The following RAPGEF2 variants were observed in gnomAD, a reference collection of about 807,000 sequenced individuals.
The protein encoded by RAPGEF2 is PDZ domain containing guanine nucleotide exchange factor (GEF) 1.
RAPGEF2 carries 54 observed loss-of-function variants against 186.7 expected under a neutral mutation model. The observed-to-expected ratio is 0.29, with a 90% CI of 0.23 to 0.36. The LOEUF is 0.36. Ranked by LOEUF, RAPGEF2 falls within the 10% of genes least tolerant of loss-of-function variation. The pLI is 1.00. For synonymous variants in RAPGEF2, 712 were observed against 705.9 expected, an observed-to-expected ratio of 1.01 and a Z score of -0.14; for missense variants, 1,532 against 2,045.0, an observed-to-expected ratio of 0.75 and a Z score of 4.84.
rs560761367 is a variant in RAPGEF2, at chr4:159,173,420, A to G, written c.70-13222A>G. On this transcript the variant is annotated intron_variant, in intron 1 of 29. Transcript: ENST00000691494. The stretch of plus-strand genomic sequence containing the variant: ...ATAGTGCCTCTGGAATTAGGTTGGT[A>G]TTAGAAACTTGAGGTTTCCTGAGGG... 2.0e-5 allele frequency among the ~76,000 whole-genome samples: 3 copies of G among 152,146 alleles called. No homozygotes were observed. In the South Asian group the frequency reaches 6.2e-4, roughly 31 times the overall value.
chr4:159,182,035 T>G (rs1406174919), intron 1 of RAPGEF2, among the ~76,000 whole-genome samples: 3 of 152,208 alleles, frequency 2.0e-5, no homozygotes, highest in Admixed American at 1.3e-4. Flanking sequence ...AAGGAGGGGT[T>G]TATTAGATTT....
chr4:159,202,971 G>A (rs1334500450), intron 3 of RAPGEF2, among the ~76,000 whole-genome samples: 1 of 152,188 alleles, frequency 6.6e-6, no homozygotes, highest in African/African-American at 2.4e-5. Flanking sequence ...GCTGAATGAA[G>A]TAGCATTTTC....
At chr4:159,126,576 ATT>A (rs925193158) in intron 1 of RAPGEF2, among the ~76,000 whole-genome samples, 11 of 151,052 alleles carry the variant, frequency 7.3e-5, no homozygotes, top group African/African-American at 2.7e-4. Context: ...CTCTCAGAAG[ATT>A]TTAAGACTTT....
chr4:159,258,842 C>G lies in RAPGEF2; in HGVS notation c.543+15051C>G, dbSNP rs532722702. 2.0e-5 allele frequency among the ~76,000 whole-genome samples: 3 copies of G among 152,248 alleles called. No homozygotes were observed. In the South Asian group the frequency reaches 6.2e-4, roughly 32 times the overall value. Reference sequence around the variant, plus strand: ...TCTAGGAGTGGCATTATAGATCTTCCTGCTTTAACAGGTCTATACAAGGAT... The same window carrying G: ...TCTAGGAGTGGCATTATAGATCTTCGTGCTTTAACAGGTCTATACAAGGAT... On this transcript the variant is annotated intron_variant, in intron 7 of 29. Coordinates refer to ENST00000691494, the MANE Select transcript of RAPGEF2 (RefSeq NM_001394067.2).
Position 159,306,019 on chromosome 4 carries a change from A to C in RAPGEF2, c.675+1546A>C, listed in dbSNP as rs145249769. On this transcript the variant is annotated intron_variant, in intron 8 of 29. Coordinates refer to ENST00000691494, the MANE Select transcript of RAPGEF2 (RefSeq NM_001394067.2). ...TTTATTTTGTTCCATTGATCTATGT[A>C]CCTATTTTAATACCAGTATCATGCT... Among the ~76,000 whole-genome samples, 459 of 152,140 alleles carry C rather than the reference A, an allele frequency of 3.0e-3. 9 individuals carry two copies. The highest frequency in any genetic ancestry group is 0.021 in the East Asian group (110 of 5,190).
chr4:159,214,026 C>T (rs1357336195), intron 4 of RAPGEF2, among the ~76,000 whole-genome samples: 2 of 152,098 alleles, frequency 1.3e-5, no homozygotes, highest in African/African-American at 4.8e-5. Flanking sequence ...AAGCAAGGTA[C>T]AATTTATAGT....
intron 2 of RAPGEF2, among the ~76,000 whole-genome samples, chr4:159,189,920 C>A (rs1387520202): frequency 6.6e-6 from 1 of 152,200 alleles, no homozygotes; most frequent in East Asian, 1.9e-4. Flanking sequence ...CCCCTGACAT[C>A]ACGGAACTGA....
rs567998607 is a variant in RAPGEF2, at chr4:159,189,585, T to G, written c.140+2873T>G. 4.6e-5 allele frequency among the ~76,000 whole-genome samples: 7 copies of G among 152,344 alleles called. No individual in the cohort carries two copies. In the East Asian group the frequency reaches 1.3e-3, roughly 29 times the overall value. On this transcript the variant is annotated intron_variant, in intron 2 of 29. Transcript: ENST00000691494. ...CTGAAATAAAATAATACATATTTTC[T>G]GCAGCATCATGGATGAGTGTAATTG...
Position 159,104,145 on chromosome 4 carries a change from C to G in RAPGEF2, c.-18C>G. 6.6e-7 allele frequency: 1 copy of G among 1,512,530 alleles called. No individual in the cohort carries two copies. The highest frequency in any genetic ancestry group is 8.8e-7 in the Non-Finnish European group (1 of 1,133,076). The allele number at this position is 1,512,530 out of a possible 1,614,324, so 93.7% of individuals were successfully genotyped here. On this transcript the variant is annotated 5_prime_UTR_variant, in exon 1 of 30. Transcript: ENST00000691494. Reference sequence around the variant, plus strand: ...CGGCCAGGGTGCGGAGCGGCCCCGGCCCGCTCCCAGAGGGGAGATGGCGTC... The same window carrying G: ...CGGCCAGGGTGCGGAGCGGCCCCGGGCCGCTCCCAGAGGGGAGATGGCGTC...
chr4:159,339,182 G>A lies in RAPGEF2; in HGVS notation c.2362G>A (p.Asp788Asn), dbSNP rs1344544655. Residue 788 changes from aspartate (D) to asparagine (N), a missense_variant, in exon 19 of 30, where the codon GAC (aspartate) becomes AAC (asparagine). By Grantham distance (23) the Asp-to-Asn change is conservative. Around this residue, in one of 4 missense-constraint regions of RAPGEF2, gnomAD observed 810 missense variants for 1,210.5 expected, o/e 0.67. Transcript: ENST00000691494. ...QQSRYIMISKDTTAKEVVIQA... is the reference protein window; with the variant it reads ...QQSRYIMISKNTTAKEVVIQA... ...AAGCCGCTACATCATGATCAGTAAGGACACTACAGCAAAGGAAGTGGTCAT... is the reference window on the plus strand; with the variant it reads ...AAGCCGCTACATCATGATCAGTAAGAACACTACAGCAAAGGAAGTGGTCAT... 2.5e-6 allele frequency: 4 copies of A among 1,613,994 alleles called. No homozygotes were observed. The highest frequency in any genetic ancestry group is 3.4e-6 in the Non-Finnish European group (4 of 1,180,014).
chr4:159,219,604 C>G (rs1042682215), intron 4 of RAPGEF2, among the ~76,000 whole-genome samples: 1 of 152,170 alleles, frequency 6.6e-6, no homozygotes, highest in African/African-American at 2.4e-5. Context: ...ATCTGCCTGC[C>G]TCAGCCTCCC....
Position 159,173,946 on chromosome 4 carries a change from G to A in RAPGEF2, c.70-12696G>A, listed in dbSNP as rs115789911. Among the ~76,000 whole-genome samples, 151 of 152,296 alleles carry A rather than the reference G, an allele frequency of 9.9e-4. 1 individual carries two copies. The highest frequency in any genetic ancestry group is 3.4e-3 in the African/African-American group (143 of 41,572). The stretch of plus-strand genomic sequence containing the variant: ...AAAATGAAGATATCTTTTGTTAAAT[G>A]TATTTTTGCTGCCTAAGAGATGGCA... On this transcript the variant is annotated intron_variant, in intron 1 of 29. Coordinates refer to ENST00000691494, the MANE Select transcript of RAPGEF2 (RefSeq NM_001394067.2).
In RAPGEF2 at chr4:159,186,708, CT is replaced by C; in HGVS notation, c.138del (p.Arg47GlyfsTer2). Reference sequence around the variant, plus strand: ...CTTATCAAACTTGAGGGAGCATCAACTTAGGTATGTCATTTTAATATTCAGT... The same window carrying C: ...CTTATCAAACTTGAGGGAGCATCAACTAGGTATGTCATTTTAATATTCAGT... The part of the protein sequence containing the change: ...EALSNLREHQ[L>X]RLMCETVRYE... On this transcript the variant is annotated frameshift_variant, in exon 2 of 30. Transcript: ENST00000691494. LOFTEE classifies it high-confidence loss of function. The C allele has an allele frequency of 6.9e-7, 1 of 1,440,366 alleles. No individual in the cohort carries two copies. The highest frequency in any genetic ancestry group is 9.3e-7 in the Non-Finnish European group (1 of 1,070,586). The allele number at this position is 1,440,366 out of a possible 1,614,324, so 89.2% of individuals were successfully genotyped here. A position where few individuals can be genotyped will look rare whatever the true frequency, so the allele number is the denominator to read the frequency against.
chr4:159,154,792 A>G (rs1743942026), intron 1 of RAPGEF2, among the ~76,000 whole-genome samples: 1 of 152,174 alleles, frequency 6.6e-6, no homozygotes, highest in Non-Finnish European at 1.5e-5. Flanking sequence ...GATCTCAGTC[A>G]GATCCCTTCC....
In RAPGEF2 at chr4:159,267,218, A is replaced by T. The variant is rs956933109; in HGVS notation, c.543+23427A>T. ...GCAATGCCGTTTGTTTCCTAAGAGG[A>T]ATTTTTTATTTAGAAAAGGAAGCTT... On this transcript the variant is annotated intron_variant, in intron 7 of 29. Transcript: ENST00000691494. The T allele has an allele frequency of 1.8e-5, 23 of 1,288,962 alleles. No individual in the cohort carries two copies. The Admixed American group carries it at 5.1e-4, about 28-fold the overall frequency. The allele number at this position is 1,288,962 out of a possible 1,614,324, so 79.8% of individuals were successfully genotyped here. A position where few individuals can be genotyped will look rare whatever the true frequency, so the allele number is the denominator to read the frequency against.
chr4:159,267,856 G>C (rs1470383834), intron 7 of RAPGEF2: 1 of 1,015,792 alleles, frequency 9.8e-7, no homozygotes, highest in Non-Finnish European at 1.2e-6. Flanking sequence ...AAATGATCTT[G>C]TTCTCTTGGA....
intron 8 of RAPGEF2, among the ~76,000 whole-genome samples, chr4:159,309,879 G>A (rs1435500273): frequency 1.3e-5 from 2 of 152,064 alleles, no homozygotes; most frequent in African/African-American, 4.8e-5. Context: ...AGAAAGTGAT[G>A]GATCATTCAA....
At chr4:159,334,204 A>T (rs1189184965) in intron 17 of RAPGEF2, among the ~76,000 whole-genome samples, 1 of 152,150 alleles carries the variant, frequency 6.6e-6, no homozygotes, top group Non-Finnish European at 1.5e-5. Context: ...TGAAAACCTT[A>T]TTTTTAAATG....
In RAPGEF2 at chr4:159,242,781, T is replaced by C. The variant is rs1472120241; in HGVS notation, c.526-993T>C. 2.0e-5 allele frequency among the ~76,000 whole-genome samples: 3 copies of C among 152,182 alleles called. No homozygotes were observed. The East Asian group carries it at 5.8e-4, about 29-fold the overall frequency. The stretch of plus-strand genomic sequence containing the variant: ...GGAAGAAGGAAATATGTATTAAAAA[T>C]AGTTATACATATTAATAGTACAACA... On this transcript the variant is annotated intron_variant, in intron 6 of 29. Coordinates refer to ENST00000691494, the MANE Select transcript of RAPGEF2 (RefSeq NM_001394067.2).
Sources: allele counts gnomAD v4.1 joint callset (sites outside exome capture counted in the v4.1 genomes callset), GRCh38; gene constraint gnomAD v4.1.1; regional missense constraint gnomAD v4.1.1; transcripts MANE v1.5; gene names NCBI Gene and HGNC (gene_info 2026-07-23, HGNC 2026-07-21).